Variants in NKAIN3 observed in about 807,000 individuals in gnomAD.
NKAIN3 encodes the protein sodium/potassium transporting ATPase interacting 3.
NKAIN3 carries 25 observed loss-of-function variants against 30.2 expected under a neutral mutation model. That is an observed-to-expected ratio of 0.83 (90% CI 0.60 to 1.16). NKAIN3 has a LOEUF of 1.16. Among genes scored for constraint, NKAIN3 ranks in the 50% most tolerant of loss-of-function variants. The probability of loss-of-function intolerance (pLI) is 0.00; values close to 1 mark genes in which losing one functional copy is unlikely to be tolerated. For missense variants in NKAIN3, 225 were observed against 254.1 expected (o/e 0.89, Z 0.78); for synonymous variants, 91 against 89.6 (o/e 1.02, Z -0.09).
intron 5 of NKAIN3, among the ~76,000 whole-genome samples, chr8:62,942,710 A>T (rs190225545): frequency 3.1e-4 from 47 of 152,196 alleles, no homozygotes; most frequent in Admixed American, 3.0e-3. Context: ...AAAATAGAGA[A>T]CACAGAAACA....
chr8:62,652,926 T>G (rs950684571), intron 3 of NKAIN3, among the ~76,000 whole-genome samples: 5 of 152,134 alleles, frequency 3.3e-5, no homozygotes, highest in African/African-American at 1.2e-4. Flanking sequence ...TGAACTACTA[T>G]GCATTGATAA....
chr8:62,853,755 T>C (rs193294261), intron 4 of NKAIN3, among the ~76,000 whole-genome samples: 2 of 152,292 alleles, frequency 1.3e-5, no homozygotes, highest in East Asian at 3.9e-4. Context: ...CAGGTTTGTG[T>C]GCTCTTGGTT....
At chr8:62,893,939 C>T (rs956291368) in intron 4 of NKAIN3, among the ~76,000 whole-genome samples, 10 of 152,254 alleles carry the variant, frequency 6.6e-5, no homozygotes, top group Admixed American at 2.0e-4. Context: ...TAATTAATTA[C>T]ATGTTGATCA....
chr8:62,909,883 C>A, intron 4 of NKAIN3, among the ~76,000 whole-genome samples: 1 of 152,088 alleles, frequency 6.6e-6, no homozygotes, highest in Non-Finnish European at 1.5e-5. Flanking sequence ...TTGTTTTCAG[C>A]TAATGGTACT....
chr8:62,558,593 C>CA (rs1331531032), intron 1 of NKAIN3, among the ~76,000 whole-genome samples: 2 of 152,048 alleles, frequency 1.3e-5, no homozygotes, highest in Admixed American at 1.3e-4. Context: ...AAATTGCTAA[C>CA]ATTATGATTC....
chr8:62,705,219 A>G (rs1162693068), intron 3 of NKAIN3, among the ~76,000 whole-genome samples: 3 of 152,220 alleles, frequency 2.0e-5, no homozygotes, highest in Non-Finnish European at 4.4e-5. Flanking sequence ...GAGATTATGA[A>G]CAATTTCTCT....
At chr8:62,262,456 C>T (rs576963401) in intron 1 of NKAIN3, among the ~76,000 whole-genome samples, 18 of 152,236 alleles carry the variant, frequency 1.2e-4, no homozygotes, top group African/African-American at 4.1e-4. Flanking sequence ...CTTCTTTCTC[C>T]GTAAAAGTTT....
chr8:62,828,348 C>T (rs1434643073), intron 4 of NKAIN3, among the ~76,000 whole-genome samples: 1 of 152,050 alleles, frequency 6.6e-6, no homozygotes, highest in Admixed American at 6.6e-5. Context: ...TACAAATCTA[C>T]ACACATATTA....
intron 1 of NKAIN3, among the ~76,000 whole-genome samples, chr8:62,518,510 A>G (rs1200408982): frequency 6.6e-6 from 1 of 152,138 alleles, no homozygotes; most frequent in African/African-American, 2.4e-5. Context: ...TGGAATATCA[A>G]ATAGGATAAT....
chr8:62,518,532 G>A (rs184023477), intron 1 of NKAIN3, among the ~76,000 whole-genome samples: 6 of 152,000 alleles, frequency 3.9e-5, no homozygotes, highest in Admixed American at 6.6e-5. Context: ...CATGTGAACC[G>A]TTTCCGTGGT....
intron 1 of NKAIN3, among the ~76,000 whole-genome samples, chr8:62,302,244 G>A (rs1814073601): frequency 6.6e-6 from 1 of 152,002 alleles, no homozygotes; most frequent in African/African-American, 2.4e-5. Context: ...AAGCACTTCT[G>A]TATACTTGCT....
chr8:62,468,420 G>A (rs1806227153), intron 1 of NKAIN3, among the ~76,000 whole-genome samples: 1 of 152,214 alleles, frequency 6.6e-6, no homozygotes, highest in African/African-American at 2.4e-5. Flanking sequence ...AGAGGAGTTT[G>A]CACTGTGTTA....
intron 4 of NKAIN3, among the ~76,000 whole-genome samples, chr8:62,785,534 G>A (rs551752744): frequency 1.3e-5 from 2 of 152,180 alleles, no homozygotes; most frequent in Middle Eastern, 3.4e-3. Context: ...CAGCTCCGTG[G>A]ATATACTAAA....
chr8:62,632,879 A>G (rs1409996177), intron 3 of NKAIN3, among the ~76,000 whole-genome samples: 1 of 152,144 alleles, frequency 6.6e-6, no homozygotes, highest in Non-Finnish European at 1.5e-5. Flanking sequence ...TTTTTAGTAA[A>G]TTTAATAAAA....
At chr8:62,683,526 G>T (rs779922025) in intron 3 of NKAIN3, among the ~76,000 whole-genome samples, 1 of 152,092 alleles carries the variant, frequency 6.6e-6, no homozygotes, top group Non-Finnish European at 1.5e-5. Flanking sequence ...ATGTGTTAGG[G>T]TATAAAAATA....
At chr8:62,721,276 T>G (rs912993651) in intron 3 of NKAIN3, among the ~76,000 whole-genome samples, 2 of 152,220 alleles carry the variant, frequency 1.3e-5, no homozygotes, top group African/African-American at 4.8e-5. Context: ...ATGAGAGTTT[T>G]AAATTGAAAT....
At chr8:62,387,038 G>A (rs1186347224) in intron 1 of NKAIN3, among the ~76,000 whole-genome samples, 22 of 152,114 alleles carry the variant, frequency 1.4e-4, no homozygotes, top group Non-Finnish European at 1.5e-5. Flanking sequence ...ATACTATAGT[G>A]TTTTATTAAT....
At chr8:62,287,363 C>T (rs553458787) in intron 1 of NKAIN3, among the ~76,000 whole-genome samples, 1 of 152,054 alleles carries the variant, frequency 6.6e-6, no homozygotes, top group South Asian at 2.1e-4. Flanking sequence ...GACCTCACAT[C>T]CTGGTTTGAA....
intron 1 of NKAIN3, among the ~76,000 whole-genome samples, chr8:62,442,821 T>C (rs1372273555): frequency 4.6e-5 from 7 of 151,926 alleles, no homozygotes; most frequent in African/African-American, 1.7e-4. Flanking sequence ...CCCCATACCA[T>C]TACCATTTTG....
Sources: allele counts gnomAD v4.1 joint callset (sites outside exome capture counted in the v4.1 genomes callset), GRCh38; gene constraint gnomAD v4.1.1; transcripts MANE v1.5; gene names NCBI Gene and HGNC (gene_info 2026-07-23, HGNC 2026-07-21).